The following COL25A1 variants were observed in gnomAD, a reference collection of about 807,000 sequenced individuals.
COL25A1 encodes the protein collagen type XXV alpha 1 chain.
COL25A1 carries 103 observed loss-of-function variants against 128.4 expected under a neutral mutation model. That is an observed-to-expected ratio of 0.80 (90% CI 0.68 to 0.94). The LOEUF (loss-of-function observed/expected upper bound fraction) is 0.94, where lower values mean the gene tolerates loss of function less well. COL25A1 is among the 40% of genes least tolerant of loss of function. The pLI, the probability that COL25A1 is intolerant of heterozygous loss-of-function variation, is 0.00. For synonymous variants in COL25A1, 279 were observed against 277.2 expected, an observed-to-expected ratio of 1.01 and a Z score of -0.06; for missense variants, 745 against 840.0, an observed-to-expected ratio of 0.89 and a Z score of 1.40.
intron 4 of COL25A1, 61 bp from the exon 5 acceptor site, chr4:109,048,236 T>A (rs374418136): frequency 1.4e-4 from 209 of 1,507,036 alleles, no homozygotes; most frequent in Middle Eastern, 1.4e-3. Flanking sequence ...ATGCAAAATA[T>A]TAAAATCAAA....
intron 31 of COL25A1, among the ~76,000 whole-genome samples, chr4:108,840,234 C>T (rs778010089): frequency 1.6e-5 from 2 of 125,108 alleles, no homozygotes; most frequent in Non-Finnish European, 3.3e-5. Flanking sequence ...AAGAGCGAAA[C>T]GCCATCTCAA....
chr4:109,142,250 T>G (rs933373108), intron 3 of COL25A1, among the ~76,000 whole-genome samples: 15 of 152,358 alleles, frequency 9.8e-5, no homozygotes, highest in Non-Finnish European at 1.9e-4. Context: ...AGTGAGTTTC[T>G]TAATCCTGAG....
intron 3 of COL25A1, among the ~76,000 whole-genome samples, chr4:109,124,472 TA>T (rs1768399519): frequency 6.6e-6 from 1 of 152,050 alleles, no homozygotes; most frequent in Non-Finnish European, 1.5e-5. Context: ...ATTTTAATTT[TA>T]TTTTTCTAGT....
intron 6 of COL25A1, among the ~76,000 whole-genome samples, chr4:109,004,817 G>T (rs1266532345): frequency 6.6e-6 from 1 of 152,140 alleles, no homozygotes; most frequent in Non-Finnish European, 1.5e-5. Context: ...CCGTGAGCCA[G>T]TTATATCTCT....
At chr4:109,285,139 G>GA (rs987172659) in intron 3 of COL25A1, among the ~76,000 whole-genome samples, 10 of 152,052 alleles carry the variant, frequency 6.6e-5, no homozygotes, top group Non-Finnish European at 1.3e-4. Context: ...ACCTCTGAAT[G>GA]AATTAAGGGA....
In COL25A1 at chr4:109,239,156, A is replaced by C. The variant is rs765069871; in HGVS notation, c.367+61427T>G. Among the ~76,000 whole-genome samples the C allele has an allele frequency of 1.3e-3, 191 of 151,922 alleles. 2 individuals are homozygous for C. The highest frequency in any genetic ancestry group is 2.4e-3 in the Non-Finnish European group (163 of 67,956). On this transcript the variant is annotated intron_variant, in intron 3 of 37. Coordinates refer to ENST00000399132, the MANE Select transcript of COL25A1 (RefSeq NM_198721.4). ...TCATCTTTTGTTTAATGATGGGGAT[A>C]CATTCTGAGAACTGCATCATTAGGC...
At chr4:109,257,929 G>A (rs1781183191) in intron 3 of COL25A1, among the ~76,000 whole-genome samples, 1 of 152,172 alleles carries the variant, frequency 6.6e-6, no homozygotes, top group South Asian at 2.1e-4. Context: ...AGGAAGGATG[G>A]TGAGAAATGT....
intron 8 of COL25A1, among the ~76,000 whole-genome samples, chr4:108,971,619 G>A (rs1751924777): frequency 1.3e-5 from 2 of 152,162 alleles, no homozygotes; most frequent in South Asian, 4.1e-4. Context: ...TGTTGTAGGT[G>A]GAGGCAAGAC....
chr4:109,191,148 G>A (rs1775574579), intron 3 of COL25A1, among the ~76,000 whole-genome samples: 1 of 152,128 alleles, frequency 6.6e-6, no homozygotes, highest in South Asian at 2.1e-4. Context: ...TTTTAAATAA[G>A]CCACAAACCA....
chr4:109,264,834 G>C lies in COL25A1; in HGVS notation c.367+35749C>G, dbSNP rs542340032. On this transcript the variant is annotated intron_variant, in intron 3 of 37. Coordinates refer to ENST00000399132, the MANE Select transcript of COL25A1 (RefSeq NM_198721.4). ...AATCCCACTCATTCCCACCAATAAG[G>C]ACCATGTGGTTTTGACTCTAATGTT... is the stretch of plus-strand genomic sequence containing the variant. Among the ~76,000 whole-genome samples, 5 of 152,196 alleles carry C rather than the reference G, an allele frequency of 3.3e-5. No homozygotes were observed. In the South Asian group the frequency reaches 1.0e-3, roughly 32 times the overall value.
At chr4:109,031,586 G>T (rs1427265906) in intron 5 of COL25A1, among the ~76,000 whole-genome samples, 1 of 152,102 alleles carries the variant, frequency 6.6e-6, no homozygotes, top group East Asian at 1.9e-4. Flanking sequence ...ATGGCACTTG[G>T]AGCACTCAGG....
chr4:109,259,887 T>C (rs1324538951), intron 3 of COL25A1, among the ~76,000 whole-genome samples: 1 of 152,184 alleles, frequency 6.6e-6, no homozygotes, highest in Non-Finnish European at 1.5e-5. Flanking sequence ...GGAAAAGACA[T>C]AAGCAACGTA....
intron 3 of COL25A1, among the ~76,000 whole-genome samples, chr4:109,234,893 G>A (rs1443051649): frequency 6.6e-6 from 1 of 151,746 alleles, no homozygotes. Flanking sequence ...TTTTTCAGAG[G>A]AAAAAACACT....
In COL25A1 at chr4:108,974,362, C is replaced by T. The variant is rs752573995; in HGVS notation, c.492+5G>A. The T allele has an allele frequency of 6.2e-7, 1 of 1,613,960 alleles. No homozygotes were observed. The highest frequency in any genetic ancestry group is 1.1e-5 in the South Asian group (1 of 91,080). ...TCCGCCCAAGATAGGTAGAGCACAA[C>T]TTACCCTAGGTCCCTGATCACCTTG... On this transcript the variant is annotated splice_donor_5th_base_variant and intron_variant, in intron 8 of 37. Coordinates refer to ENST00000399132, the MANE Select transcript of COL25A1 (RefSeq NM_198721.4).
At chr4:109,100,417 GAA>G (rs10706551) in intron 3 of COL25A1, among the ~76,000 whole-genome samples, 63 of 139,896 alleles carry the variant, frequency 4.5e-4, no homozygotes, top group African/African-American at 1.1e-3. Context: ...ATTTTTGTGA[GAA>G]AAAAAAAAAA....
At chr4:108,864,595 G>A (rs4956217) in intron 20 of COL25A1, among the ~76,000 whole-genome samples, 77,287 of 151,616 alleles carry the variant, frequency 0.51, 21,444 homozygotes, top group East Asian at 0.93. Flanking sequence ...GACAAGAGCT[G>A]CAGAACCAAA....
At chr4:109,231,116 G>A (rs1261992031) in intron 3 of COL25A1, among the ~76,000 whole-genome samples, 1 of 151,780 alleles carries the variant, frequency 6.6e-6, no homozygotes, top group East Asian at 1.9e-4. Context: ...ACTCCAGCCT[G>A]GGAACAGAAG....
chr4:108,952,748 G>A (rs1749593904), intron 8 of COL25A1, among the ~76,000 whole-genome samples: 1 of 151,226 alleles, frequency 6.6e-6, no homozygotes, highest in Admixed American at 6.6e-5. Context: ...GCATGGATCA[G>A]GAAAGAAGAT....
intron 3 of COL25A1, among the ~76,000 whole-genome samples, chr4:109,106,277 A>T (rs1013202452): frequency 6.6e-6 from 1 of 152,204 alleles, no homozygotes; most frequent in Admixed American, 6.5e-5. Flanking sequence ...TTTGAGAGCG[A>T]TGAACAGTGA....
Sources: gnomAD v4.1 joint callset for allele counts (sites outside exome capture counted in the v4.1 genomes callset) on GRCh38, gnomAD v4.1.1 for gene constraint, MANE v1.5 for transcripts, NCBI Gene and HGNC (gene_info 2026-07-23, HGNC 2026-07-21) for gene names.